WWC1: variants seen among roughly 807,000 people sequenced by gnomAD.
WWC1 encodes WW and C2 domain containing 1, also known as protein KIBRA.
Under a neutral mutation model 138.4 loss-of-function variants are expected in WWC1, and 55 were observed. The observed-to-expected ratio is 0.40, with a 90% confidence interval of 0.32 to 0.50. The LOEUF is 0.50. Among genes scored for constraint, WWC1 ranks in the 20% least tolerant of loss-of-function variants. The pLI, the probability that WWC1 is intolerant of heterozygous loss-of-function variation, is 0.72. For synonymous variants in WWC1, 524 were observed against 564.9 expected (o/e 0.93, Z 1.03); for missense variants, 1,226 against 1,420.4 (o/e 0.86, Z 2.20).
intron 1 of WWC1, among the ~76,000 whole-genome samples, chr5:168,352,454 G>A (rs1775043981): frequency 6.6e-6 from 1 of 152,084 alleles, no homozygotes; most frequent in South Asian, 2.1e-4. Context: ...GTGATTAGGA[G>A]CTTAGAACCC....
chr5:168,324,498 G>C (rs535557924), intron 1 of WWC1, among the ~76,000 whole-genome samples: 1 of 152,090 alleles, frequency 6.6e-6, no homozygotes, highest in African/African-American at 2.4e-5. Flanking sequence ...TTAGATCTAC[G>C]TGAGAAATTA....
intron 1 of WWC1, among the ~76,000 whole-genome samples, chr5:168,334,902 C>G (rs543534032): frequency 1.5e-4 from 23 of 152,210 alleles, no homozygotes; most frequent in Non-Finnish European, 1.0e-4. Flanking sequence ...ACCGGTCCCT[C>G]TGGTATCCTG....
At chr5:168,359,357 A>G (rs757817063) in intron 1 of WWC1, among the ~76,000 whole-genome samples, 1 of 152,170 alleles carries the variant, frequency 6.6e-6, no homozygotes, top group Admixed American at 6.5e-5. Flanking sequence ...TCTGGCCTAT[A>G]CACTATAGAG....
At chr5:168,389,230 C>T (rs549187123) in intron 3 of WWC1, among the ~76,000 whole-genome samples, 10 of 152,042 alleles carry the variant, frequency 6.6e-5, no homozygotes, top group African/African-American at 2.4e-4. Context: ...AGGTGGATCA[C>T]GAGGTCAGGA....
At chr5:168,396,870 A>G (rs1273084563) in intron 3 of WWC1, among the ~76,000 whole-genome samples, 1 of 152,192 alleles carries the variant, frequency 6.6e-6, no homozygotes, top group Non-Finnish European at 1.5e-5. Flanking sequence ...GGAAAACGAT[A>G]ATTGTATTAG....
chr5:168,456,415 T>C (rs978178929), intron 19 of WWC1, among the ~76,000 whole-genome samples: 4 of 152,196 alleles, frequency 2.6e-5, no homozygotes, highest in Non-Finnish European at 5.9e-5. Context: ...GGCAAATCAC[T>C]TGAGGCCAGG....
At chr5:168,433,683 G>A (rs1268045435) in intron 15 of WWC1, among the ~76,000 whole-genome samples, 6 of 152,052 alleles carry the variant, frequency 3.9e-5, no homozygotes, top group East Asian at 3.9e-4. Flanking sequence ...GACTACAAGC[G>A]CCCACCACCA....
chr5:168,295,483 CGTGTGTGTGTGT>C lies in WWC1; in HGVS notation c.119+3237_119+3248del, dbSNP rs3138761. Among the ~76,000 whole-genome samples the C allele has an allele frequency of 2.4e-4, 34 of 142,572 alleles. 1 individual carries two copies. In the South Asian group the frequency reaches 7.5e-3, roughly 31 times the overall value. 93.5% of individuals were successfully genotyped at this position (142,572 alleles called of 152,430 possible). ...AAAATTGCACTAAAAATTTCTACTCCGTGTGTGTGTGTGTGTGTGTGTGTGTGTGTGTGTGTT... is the reference window on the plus strand; with the variant it reads ...AAAATTGCACTAAAAATTTCTACTCCGTGTGTGTGTGTGTGTGTGTGTGTT... On this transcript the variant is annotated intron_variant, in intron 1 of 22. Coordinates refer to ENST00000265293, the MANE Select transcript of WWC1 (RefSeq NM_015238.3).
intron 17 of WWC1, among the ~76,000 whole-genome samples, chr5:168,450,822 A>G (rs1755731849): frequency 6.6e-6 from 1 of 152,196 alleles, no homozygotes; most frequent in Non-Finnish European, 1.5e-5. Context: ...TAAAAGAAAA[A>G]AATCAATAAC....
At chr5:168,364,380 G>A (rs527733047) in intron 1 of WWC1, among the ~76,000 whole-genome samples, 9 of 152,126 alleles carry the variant, frequency 5.9e-5, no homozygotes, top group African/African-American at 1.4e-4. Context: ...TTGGCCTTTC[G>A]CGTCTATACT....
chr5:168,291,920 C>G lies in WWC1; in HGVS notation c.-233C>G, dbSNP rs1769080914. ...ACCGCGCCGCTGCGGACGCACATGG[C>G]AGCGTGAGAGGCCGGCGGCGGGAGG... is the stretch of plus-strand genomic sequence containing the variant. On this transcript the variant is annotated 5_prime_UTR_variant, in exon 1 of 23. Transcript: ENST00000265293. The G allele has an allele frequency of 4.3e-6, 1 of 233,590 alleles. No homozygotes were observed. Among genetic ancestry groups the G allele is most frequent in the African/African-American group, 2.3e-5 (1 of 43,260 alleles). 14.5% of individuals were successfully genotyped at this position (233,590 alleles called of 1,614,324 possible). A position where few individuals can be genotyped will look rare whatever the true frequency, so the allele number is the denominator to read the frequency against.
chr5:168,421,877 T>C (rs1781111710), intron 9 of WWC1, 131 bp from the exon 10 acceptor site: 1 of 662,536 alleles, frequency 1.5e-6, no homozygotes, highest in Non-Finnish European at 2.8e-6. Context: ...GTGGAAGCTC[T>C]AGCTCCCCAG....
chr5:168,354,849 A>T (rs1582014156), intron 1 of WWC1, among the ~76,000 whole-genome samples: 1 of 152,114 alleles, frequency 6.6e-6, no homozygotes, highest in Non-Finnish European at 1.5e-5. Flanking sequence ...GAGTAGGGCT[A>T]TATGCTCTGT....
In WWC1 at chr5:168,423,590, CA is replaced by C; in HGVS notation, c.1333del (p.Ser445AlafsTer87). ...GCAGCAGCCCCGGATCCCTCACGTC[CA>C]GCCGGGGCTCCCTGGTTGCATCCAG... is the stretch of plus-strand genomic sequence containing the variant. ...SGSSPGSLTS[S>X]RGSLVASSLD... is the part of the protein sequence containing the mutation. On this transcript the variant is annotated frameshift_variant, in exon 11 of 23. Transcript: ENST00000265293. LOFTEE classifies it high-confidence loss of function. 6.2e-7 allele frequency: 1 copy of C among 1,614,112 alleles called. No homozygotes were observed. The highest frequency in any genetic ancestry group is 8.5e-7 in the Non-Finnish European group (1 of 1,180,004).
intron 1 of WWC1, among the ~76,000 whole-genome samples, chr5:168,306,411 A>G (rs1054910385): frequency 2.6e-5 from 4 of 152,020 alleles, no homozygotes; most frequent in Non-Finnish European, 5.9e-5. Flanking sequence ...ATAAAAATAA[A>G]TATTTGGGGG....
chr5:168,465,198 T>C (rs1376196327), intron 21 of WWC1, among the ~76,000 whole-genome samples: 1 of 152,234 alleles, frequency 6.6e-6, no homozygotes, highest in Non-Finnish European at 1.5e-5. Context: ...ACTGCATTTG[T>C]TGTTGTGATT....
In WWC1 at chr5:168,430,301, T is replaced by A; in HGVS notation, c.2087+78T>A. 3.3e-6 allele frequency: 4 copies of A among 1,226,868 alleles called. No individual in the cohort carries two copies. In the South Asian group the frequency reaches 4.0e-5, roughly 12 times the overall value. 76.0% of individuals were successfully genotyped at this position (1,226,868 alleles called of 1,614,324 possible). The stretch of plus-strand genomic sequence containing the variant: ...CCCTGGGGGTCACTTTTCTGCCCTG[T>A]CCTGATCCAGTTATGGGCCTTGTCA... On this transcript the variant is annotated intron_variant, in intron 14 of 22. Transcript: ENST00000265293.
chr5:168,431,678 A>C (rs1223527503), intron 15 of WWC1, among the ~76,000 whole-genome samples: 1 of 152,186 alleles, frequency 6.6e-6, no homozygotes. Context: ...CTTTCACAAG[A>C]GGAAGAGTAA....
intron 1 of WWC1, among the ~76,000 whole-genome samples, chr5:168,352,620 G>C (rs1272217983): frequency 6.7e-6 from 1 of 148,352 alleles, no homozygotes; most frequent in Non-Finnish European, 1.5e-5. Context: ...GTCTTACTCT[G>C]TCACCCAGGC....
Sources: gnomAD v4.1 joint callset for allele counts (sites outside exome capture counted in the v4.1 genomes callset) on GRCh38, gnomAD v4.1.1 for gene constraint, MANE v1.5 for transcripts, NCBI Gene and HGNC (gene_info 2026-07-23, HGNC 2026-07-21) for gene names.